The following NSD1 variants were observed in gnomAD, a reference collection of about 807,000 sequenced individuals.
NSD1 encodes the protein histone-lysine N-methyltransferase, H3 lysine-36 specific.
Under a neutral mutation model 242.7 loss-of-function variants are expected in NSD1, and 26 were observed. That is an observed-to-expected ratio of 0.11 (90% confidence interval 0.08 to 0.15). NSD1 has a LOEUF of 0.15. NSD1 is among the 10% of genes least tolerant of loss of function. The probability of loss-of-function intolerance (pLI) is 1.00; values close to 1 mark genes in which losing one functional copy is unlikely to be tolerated. For missense variants in NSD1, 2,495 were observed against 3,272.8 expected (o/e 0.76, Z 5.80); for synonymous variants, 1,106 against 1,178.1 (o/e 0.94, Z 1.25).
At chr5:177,148,122 T>G (rs936905645) in intron 2 of NSD1, among the ~76,000 whole-genome samples, 1 of 151,766 alleles carries the variant, frequency 6.6e-6, no homozygotes, top group African/African-American at 2.4e-5. Flanking sequence ...ATGTTAAGTT[T>G]TTTTTTTTTC....
At chr5:177,282,732 A>G (rs1758991247) in intron 19 of NSD1, 151 bp downstream of exon 19, 2 of 724,696 alleles carry the variant, frequency 2.8e-6, no homozygotes, top group South Asian at 3.0e-5. Flanking sequence ...TGGAGTAGGT[A>G]AGAGTGCTCA....
chr5:177,274,011 G>C (rs747150680), intron 17 of NSD1, among the ~76,000 whole-genome samples: 25 of 152,166 alleles, frequency 1.6e-4, no homozygotes, highest in Non-Finnish European at 3.4e-4. Context: ...TTTGAGACCA[G>C]CCTGGCCAGG....
At chr5:177,260,627 G>A (rs1050871170) in intron 14 of NSD1, among the ~76,000 whole-genome samples, 1 of 151,910 alleles carries the variant, frequency 6.6e-6, no homozygotes, top group Non-Finnish European at 1.5e-5. Flanking sequence ...GGATTACAGG[G>A]GTGAGCCACT....
At chr5:177,221,085 C>T (rs1344367536) in intron 5 of NSD1, 7 of 450,668 alleles carry the variant, frequency 1.6e-5, no homozygotes, top group Non-Finnish European at 2.7e-5. Context: ...GTTGGCCAGG[C>T]TGGTCTTGAA....
chr5:177,273,687 C>T lies in NSD1; in HGVS notation c.5525C>T (p.Ala1842Val), dbSNP rs2127241807. The T allele has an allele frequency of 6.2e-7, 1 of 1,613,116 alleles. No homozygotes were observed. The highest frequency in any genetic ancestry group is 2.2e-5 in the East Asian group (1 of 44,846). The stretch of plus-strand genomic sequence containing the variant: ...GTTTTCATAGCTCTTCAGGAAGCTG[C>T]AGCAAGGTTTGAGGAATTAAAGGCC... The part of the protein sequence containing the change: ...GTYKKALQEA[A>V]ARFEELKAQK... Residue 1842 changes from alanine to valine, a missense_variant, in exon 17 of 23, where the codon GCA (alanine) becomes GTA (valine). Physicochemically the swap from Ala to Val is moderately conservative, Grantham distance 64 (BLOSUM62 0). Transcript: ENST00000439151.
chr5:177,236,565 C>A (rs947416414), intron 6 of NSD1, among the ~76,000 whole-genome samples: 3 of 152,128 alleles, frequency 2.0e-5, no homozygotes, highest in African/African-American at 7.2e-5. Context: ...GAATTCAGAA[C>A]AATCCCTTTT....
intron 2 of NSD1, among the ~76,000 whole-genome samples, chr5:177,146,864 G>A (rs1312978184): frequency 1.3e-5 from 2 of 151,830 alleles, no homozygotes; most frequent in Non-Finnish European, 2.9e-5. Flanking sequence ...AAAATTAGCT[G>A]GATATGGTGG....
intron 3 of NSD1, among the ~76,000 whole-genome samples, chr5:177,201,283 C>G (rs1468962063): frequency 6.6e-6 from 1 of 152,040 alleles, no homozygotes; most frequent in Non-Finnish European, 1.5e-5. Flanking sequence ...GATCTTGGCT[C>G]ACTGCAACCT....
At chr5:177,140,681 T>TC (rs1179805102) in intron 2 of NSD1, among the ~76,000 whole-genome samples, 2 of 151,636 alleles carry the variant, frequency 1.3e-5, no homozygotes, top group African/African-American at 4.9e-5. Context: ...ATTCTGTCTC[T>TC]TAAAAAAAAA....
chr5:177,228,643 A>G (rs1362140254), intron 5 of NSD1, among the ~76,000 whole-genome samples: 3 of 152,126 alleles, frequency 2.0e-5, no homozygotes, highest in Non-Finnish European at 2.9e-5. Flanking sequence ...ATAGGGTCTA[A>G]TAATCTGTAT....
At chr5:177,281,341 T>TC (rs1260221571) in intron 18 of NSD1, among the ~76,000 whole-genome samples, 1 of 148,442 alleles carries the variant, frequency 6.7e-6, no homozygotes, top group African/African-American at 2.6e-5. Context: ...GTCTTTTTTT[T>TC]TTTTTTAATA....
chr5:177,172,547 T>C (rs1366912581), intron 2 of NSD1, among the ~76,000 whole-genome samples: 2 of 152,214 alleles, frequency 1.3e-5, no homozygotes, highest in Non-Finnish European at 2.9e-5. Flanking sequence ...AGTGGTAATA[T>C]ATGGCAGGAT....
intron 5 of NSD1, among the ~76,000 whole-genome samples, chr5:177,227,892 G>C (rs899220495): frequency 4.6e-5 from 7 of 150,986 alleles, no homozygotes; most frequent in African/African-American, 1.5e-4. Flanking sequence ...AGGTTGCAGT[G>C]AGCCGAGATT....
intron 5 of NSD1, among the ~76,000 whole-genome samples, chr5:177,223,678 C>T (rs1007290395): frequency 4.6e-5 from 7 of 152,086 alleles, no homozygotes; most frequent in African/African-American, 1.4e-4. Flanking sequence ...GTCATAACTA[C>T]GTAAGAGGTT....
In NSD1 at chr5:177,295,372, G is replaced by C. The variant is rs371481876; in HGVS notation, c.8004G>C (p.Gly2668=). The change falls in exon 23 of 23, where the codon GGG becomes GGC. Residue 2668 remains glycine, a synonymous_variant. Transcript: ENST00000439151. The surrounding 1 kb of genome is among the most constrained non-coding windows in gnomAD (Gnocchi z 4.3). ...AGACTTGCTGGTCTCTTGGAAGAGG[G>C]CAAGACCCCAAACCAGAGCAAAATA... The part of the protein sequence containing the change: ...LAQTCWSLGR[G]QDPKPEQNTL... 1 of 1,614,096 alleles carries C rather than the reference G, an allele frequency of 6.2e-7. No homozygotes were observed. The highest frequency in any genetic ancestry group is 1.3e-5 in the African/African-American group (1 of 74,924).
intron 5 of NSD1, among the ~76,000 whole-genome samples, chr5:177,235,223 A>G (rs1219822929): frequency 6.6e-6 from 1 of 152,218 alleles, no homozygotes; most frequent in Admixed American, 6.5e-5. Context: ...CTTATGGTTC[A>G]CTGTACACAA....
At chr5:177,251,498 A>G (rs1755959137) in intron 11 of NSD1, among the ~76,000 whole-genome samples, 1 of 152,208 alleles carries the variant, frequency 6.6e-6, no homozygotes, top group South Asian at 2.1e-4. Flanking sequence ...TCCATGTAGC[A>G]GTCAGAACAG....
Position 177,299,657 on chromosome 5 carries a change from A to G in NSD1, c.*4198A>G, listed in dbSNP as rs901097615. The G allele has an allele frequency of 6.9e-5, 16 of 233,206 alleles. No individual in the cohort carries two copies. The highest frequency in any genetic ancestry group is 1.1e-4 in the Non-Finnish European group (13 of 118,068). The allele number at this position is 233,206 out of a possible 1,614,324, so 14.4% of individuals were successfully genotyped here. A position where few individuals can be genotyped will look rare whatever the true frequency, so the allele number is the denominator to read the frequency against. ...TCGGAAGAAGTGTTTCGAGTTTAAC[A>G]TGCGCTGTTTCTGCTTATGTGGTTC... On this transcript the variant is annotated 3_prime_UTR_variant, in exon 23 of 23. Transcript: ENST00000439151.
Position 177,256,964 on chromosome 5 carries a change from T to C in NSD1, c.4779T>C (p.Cys1593=), listed in dbSNP as rs1756518557. ...CNECRTGIHT[C]FVCKQSGEDV... The stretch of plus-strand genomic sequence containing the variant: ...TTGGCTTCTCAGGAATCCATACCTG[T>C]TTTGTATGTAAGCAGAGTGGGGAAG... Residue 1593 remains cysteine (C), a synonymous_variant, in exon 13 of 23, where the codon TGT becomes TGC. Transcript: ENST00000439151. The C allele has an allele frequency of 6.2e-7, 1 of 1,613,736 alleles. No individual in the cohort carries two copies. The highest frequency in any genetic ancestry group is 1.1e-5 in the South Asian group (1 of 91,080).
Sources: gnomAD v4.1 joint callset for allele counts (sites outside exome capture counted in the v4.1 genomes callset) on GRCh38, gnomAD v4.1.1 for gene constraint, Gnocchi (gnomAD v3.1) non-coding constraint, MANE v1.5 for transcripts, NCBI Gene and HGNC (gene_info 2026-07-23, HGNC 2026-07-21) for gene names.